The following R3HDM1 variants were observed in gnomAD, a reference collection of about 807,000 sequenced individuals.
R3HDM1 encodes the protein R3H domain-containing protein 1.
A neutral mutation model predicts 141.1 loss-of-function variants in R3HDM1; 46 were observed. The ratio of observed to expected loss-of-function variants is 0.33; its 90% CI spans 0.26 to 0.42. R3HDM1 has a LOEUF of 0.42. R3HDM1 is among the 10% of genes least tolerant of loss of function. R3HDM1 has a pLI of 1.00. For synonymous variants in R3HDM1, 435 were observed against 472.9 expected (o/e 0.92, Z 1.04); for missense variants, 1,184 against 1,368.3 (o/e 0.87, Z 2.12).
At chr2:135,537,277 CTTTTTTTTTTTT>C (rs1036767352) in intron 1 of R3HDM1, among the ~76,000 whole-genome samples, 2 of 84,446 alleles carry the variant, frequency 2.4e-5, no homozygotes, top group Non-Finnish European at 4.3e-5. Context: ...ATTAGTCTGT[CTTTTTTTTTTTT>C]TTTTTTTTTT....
intron 21 of R3HDM1, among the ~76,000 whole-genome samples, chr2:135,703,016 C>T (rs1434636431): frequency 2.0e-5 from 3 of 152,130 alleles, no homozygotes; most frequent in Admixed American, 6.5e-5. Flanking sequence ...CATCCTAATG[C>T]GCTGGTCAGA....
intron 21 of R3HDM1, among the ~76,000 whole-genome samples, chr2:135,693,360 G>C (rs146043177): frequency 1.3e-5 from 2 of 151,032 alleles, no homozygotes; most frequent in African/African-American, 4.9e-5. Context: ...TTGATAGCCA[G>C]CAAAAAAAAA....
chr2:135,573,254 T>C (rs1004938469), intron 1 of R3HDM1, among the ~76,000 whole-genome samples: 1 of 152,226 alleles, frequency 6.6e-6, no homozygotes, highest in Non-Finnish European at 1.5e-5. Context: ...CCAATTTTCC[T>C]TCAAATAAAT....
chr2:135,604,546 C>G lies in R3HDM1; in HGVS notation c.-40-260C>G, dbSNP rs112475706. On this transcript the variant is annotated intron_variant, in intron 2 of 26. Coordinates refer to ENST00000683871, the MANE Select transcript of R3HDM1 (RefSeq NM_001378107.1). ...TCCTGGACTCAAGCAGTCATCCTGCCTGACTCCCAAGTAGCTGGGACTACA... is the reference window on the plus strand; with the variant it reads ...TCCTGGACTCAAGCAGTCATCCTGCGTGACTCCCAAGTAGCTGGGACTACA... Among the ~76,000 whole-genome samples the G allele has an allele frequency of 3.2e-3, 487 of 152,334 alleles. 2 individuals are homozygous for G. Among genetic ancestry groups the G allele is most frequent in the African/African-American group, 0.01 (430 of 41,562 alleles).
intron 21 of R3HDM1, among the ~76,000 whole-genome samples, chr2:135,697,917 G>A (rs886373726): frequency 6.6e-6 from 1 of 151,808 alleles, no homozygotes; most frequent in Non-Finnish European, 1.5e-5. Context: ...ACCAGGCATG[G>A]TGGTGCATGC....
At chr2:135,702,938 A>C (rs893945137) in intron 21 of R3HDM1, among the ~76,000 whole-genome samples, 5 of 152,202 alleles carry the variant, frequency 3.3e-5, no homozygotes, top group Non-Finnish European at 7.3e-5. Context: ...GTTTTCTATC[A>C]CTTCATTGAC....
intron 2 of R3HDM1, 114 bp from the exon 3 acceptor site, chr2:135,604,692 T>A (rs2059904983): frequency 1.3e-6 from 1 of 764,428 alleles, no homozygotes; most frequent in South Asian, 1.7e-5. Flanking sequence ...AATCAAGAAT[T>A]TTGTTCCTGT....
In R3HDM1 at chr2:135,636,041, A is replaced by G. The variant is rs775116763; in HGVS notation, c.807+43A>G. On this transcript the variant is annotated intron_variant, in intron 10 of 26. Transcript: ENST00000683871. ...TAGGATTTGTATAGGTGCAAGACAT[A>G]CTATACCAGTAGTTCATTTGCCTAA... The G allele has an allele frequency of 2.5e-6, 4 of 1,610,734 alleles. No individual in the cohort carries two copies. In the Admixed American group the frequency reaches 6.7e-5, roughly 27 times the overall value.
intron 3 of R3HDM1, 46 bp downstream of exon 3, chr2:135,605,062 T>TACTGA: frequency 7.3e-7 from 1 of 1,377,974 alleles, no homozygotes. Context: ...ATATTCAGTA[T>TACTGA]ATATTTATGT....
chr2:135,659,992 C>T (rs1407594762), intron 18 of R3HDM1, among the ~76,000 whole-genome samples: 1 of 152,134 alleles, frequency 6.6e-6, no homozygotes, highest in African/African-American at 2.4e-5. Flanking sequence ...ACCAAAATGT[C>T]ACTTTGTGAT....
rs767037018 is a variant in R3HDM1 at position 135,639,117 on chromosome 2, A to G, written c.1214A>G (p.Lys405Arg). Residue 405 changes from lysine to arginine, a missense_variant, in exon 14 of 27, where the codon AAA becomes AGA. By Grantham distance (26) the Lys-to-Arg change is conservative (BLOSUM62 2). This residue lies in a region of R3HDM1 where 240 missense variants were observed against 312.3 expected (regional missense o/e 0.77). Coordinates refer to ENST00000683871, the MANE Select transcript of R3HDM1 (RefSeq NM_001378107.1). Reference protein sequence around the residue: ...GSSKSIGRLSKTGSESSGSVG... With the variant: ...GSSKSIGRLSRTGSESSGSVG... ...AGCAAAAGCATAGGCAGGCTTTCAA[A>G]AACAGGTATAAATATCTACACAAAA... The G allele has an allele frequency of 4.0e-5, 65 of 1,613,688 alleles. No homozygotes were observed. The highest frequency in any genetic ancestry group is 5.4e-5 in the Non-Finnish European group (64 of 1,179,790).
chr2:135,563,318 T>TA (rs2104966681), intron 1 of R3HDM1, among the ~76,000 whole-genome samples: 1 of 152,366 alleles, frequency 6.6e-6, no homozygotes, highest in South Asian at 2.1e-4. Context: ...TTCTTTTTTC[T>TA]AAAAACTTTG....
chr2:135,724,175 C>A lies in R3HDM1; in HGVS notation c.3288C>A (p.Ser1096=), dbSNP rs1228916536. ...STYTVLATFP[S]ISAAQNALKK... ...ACACCGTCTTAGCCACATTCCCCTC[C>A]ATTTCAGCTGCACAGAATGCACTGA... Residue 1096 remains serine (S), a synonymous_variant, in exon 27 of 27, where the codon TCC becomes TCA. Transcript: ENST00000683871. 1 of 1,613,986 alleles carries A rather than the reference C, an allele frequency of 6.2e-7. No individual in the cohort carries two copies. The highest frequency in any genetic ancestry group is 1.1e-5 in the South Asian group (1 of 91,078).
intron 1 of R3HDM1, chr2:135,586,933 T>C: frequency 1.0e-6 from 1 of 985,068 alleles, no homozygotes; most frequent in African/African-American, 1.7e-5. Flanking sequence ...ACAAATACAA[T>C]GTGAATGAGA....
At position 135,561,310 on chromosome 2, in the gene R3HDM1, C is replaced by T. The variant is rs191887201; in HGVS notation, c.-250+29677C>T. On this transcript the variant is annotated intron_variant, in intron 1 of 26. Coordinates refer to ENST00000683871, the MANE Select transcript of R3HDM1 (RefSeq NM_001378107.1). Reference sequence around the variant, plus strand: ...TATCTGTTGGTTCCAATTTTGCCTTCGGATAAGTTTTATATTTTGTGGCAG... The same window carrying T: ...TATCTGTTGGTTCCAATTTTGCCTTTGGATAAGTTTTATATTTTGTGGCAG... 12 of 985,242 alleles carry T rather than the reference C, an allele frequency of 1.2e-5. No individual in the cohort carries two copies. In the East Asian group the frequency reaches 7.9e-4, roughly 65 times the overall value. The allele number at this position is 985,242 out of a possible 1,614,324, so 61.0% of individuals were successfully genotyped here. A position where few individuals can be genotyped will look rare whatever the true frequency, so the allele number is the denominator to read the frequency against.
intron 1 of R3HDM1, among the ~76,000 whole-genome samples, chr2:135,569,723 TTTTTTGTTGTTG>T (rs1035309190): frequency 6.8e-6 from 1 of 146,322 alleles, no homozygotes; most frequent in African/African-American, 2.7e-5. Flanking sequence ...AAGCTCTTTT[TTTTTTGTTGTTG>T]TTTTTTTTGG....
At chr2:135,640,964 T>A (rs1041957276) in intron 14 of R3HDM1, among the ~76,000 whole-genome samples, 1 of 152,220 alleles carries the variant, frequency 6.6e-6, no homozygotes, top group Non-Finnish European at 1.5e-5. Context: ...GTCCCTTGAT[T>A]AGATAAAATA....
intron 1 of R3HDM1, among the ~76,000 whole-genome samples, chr2:135,581,750 T>G (rs912683222): frequency 6.6e-6 from 1 of 152,224 alleles, no homozygotes; most frequent in African/African-American, 2.4e-5. Flanking sequence ...TAAGTTTTAC[T>G]TTGAAGTATC....
rs4954273 is a variant in R3HDM1, at chr2:135,637,612, C to T, written c.904-1006C>T. Among the ~76,000 whole-genome samples, 528 of 152,232 alleles carry T rather than the reference C, an allele frequency of 3.5e-3. 5 individuals are homozygous for T. The highest frequency in any genetic ancestry group is 6.8e-3 in the Middle Eastern group (2 of 294). On this transcript the variant is annotated intron_variant, in intron 11 of 26. Transcript: ENST00000683871. ...GCAGTGACCCAAGATGGCACTACTG[C>T]ACTCCAGCCTGGGTGACAGAGTGAC...
Sources: gnomAD v4.1 joint callset for allele counts (sites outside exome capture counted in the v4.1 genomes callset) on GRCh38, gnomAD v4.1.1 for gene constraint, gnomAD v4.1.1 regional missense constraint, MANE v1.5 for transcripts, NCBI Gene and HGNC (gene_info 2026-07-23, HGNC 2026-07-21) for gene names.